GPHN: variants seen among roughly 807,000 people sequenced by gnomAD.
GPHN encodes the protein gephyrin.
GPHN carries 17 observed loss-of-function variants against 95.5 expected under a neutral mutation model. The ratio of observed to expected loss-of-function variants is 0.18; its 90% CI spans 0.12 to 0.27. GPHN has a LOEUF of 0.27. Ranked by LOEUF, GPHN falls within the 10% of genes least tolerant of loss-of-function variation. The pLI, the probability that GPHN is intolerant of heterozygous loss-of-function variation, is 1.00. For synonymous variants in GPHN, 320 were observed against 322.5 expected (o/e 0.99, Z 0.08); for missense variants, 660 against 978.1 (o/e 0.67, Z 4.34).
intron 1 of GPHN, among the ~76,000 whole-genome samples, chr14:66,677,357 A>C (rs1242084349): frequency 6.6e-6 from 1 of 151,930 alleles, no homozygotes; most frequent in Non-Finnish European, 1.5e-5. Context: ...TGTCAGATTG[A>C]TTAAGTGAAA....
chr14:66,564,444 A>G (rs1450854646), intron 1 of GPHN, among the ~76,000 whole-genome samples: 3 of 152,198 alleles, frequency 2.0e-5, no homozygotes, highest in Non-Finnish European at 2.9e-5. Flanking sequence ...ATGTTTACTT[A>G]GAATGACTAA....
At chr14:67,365,149 A>G in the GPHN span, 1 of 908,368 alleles carries the variant, frequency 1.1e-6, no homozygotes, top group Non-Finnish European at 1.6e-6. Context: ...AAGTTGTTAG[A>G]AAAGGATGCC....
At chr14:66,533,344 C>T (rs1290129017) in intron 1 of GPHN, among the ~76,000 whole-genome samples, 3 of 152,202 alleles carry the variant, frequency 2.0e-5, no homozygotes, top group Non-Finnish European at 4.4e-5. Flanking sequence ...GATGATCTTA[C>T]TCTGTTGCCA....
At chr14:67,557,188 G>A in the GPHN span, 100 of 1,171,218 alleles carry the variant, frequency 8.5e-5, no homozygotes, top group Middle Eastern at 2.0e-4. Context: ...GGCATCAGAC[G>A]GTGTCCCATC....
chr14:66,905,988 G>A (rs368468561), intron 5 of GPHN, among the ~76,000 whole-genome samples: 11 of 145,612 alleles, frequency 7.6e-5, no homozygotes, highest in Non-Finnish European at 1.4e-4. Flanking sequence ...TATTTGATTC[G>A]AGGCTTTTTT....
chr14:66,707,324 G>A (rs1327132790), intron 2 of GPHN, among the ~76,000 whole-genome samples: 5 of 152,116 alleles, frequency 3.3e-5, no homozygotes, highest in Non-Finnish European at 7.4e-5. Context: ...TATATACCCA[G>A]AGGAATATAA....
At chr14:66,692,564 G>C (rs2067851417) in intron 2 of GPHN, among the ~76,000 whole-genome samples, 1 of 152,124 alleles carries the variant, frequency 6.6e-6, no homozygotes, top group African/African-American at 2.4e-5. Context: ...CCAGGAGAGA[G>C]AACACAGAAA....
chr14:67,314,486 T>A, the GPHN span, among the ~76,000 whole-genome samples: 7 of 152,338 alleles, frequency 4.6e-5, no homozygotes, highest in South Asian at 1.4e-3. Context: ...ACTTCTTACA[T>A]TTATTTTAGA....
intron 1 of GPHN, chr14:66,509,175 C>G (rs994657422): frequency 6.4e-6 from 1 of 155,354 alleles, no homozygotes; most frequent in African/African-American, 2.4e-5. Context: ...CCCTTCGCCT[C>G]CCTCGGGGGA....
intron 9 of GPHN, among the ~76,000 whole-genome samples, chr14:66,992,039 A>G (rs1040641868): frequency 1.3e-5 from 2 of 152,074 alleles, no homozygotes; most frequent in African/African-American, 4.8e-5. Context: ...AAAAAAGTAG[A>G]TAAATGTTCA....
intron 8 of GPHN, among the ~76,000 whole-genome samples, chr14:66,940,971 C>T (rs1312026396): frequency 6.6e-6 from 1 of 152,158 alleles, no homozygotes; most frequent in Admixed American, 6.5e-5. Flanking sequence ...CTTTGGTTAG[C>T]TCCCTTGGTC....
At chr14:67,186,456 A>G (rs1273320495), downstream of GPHN, among the ~76,000 whole-genome samples, 5 of 152,166 alleles carry the variant, frequency 3.3e-5, no homozygotes, top group Non-Finnish European at 7.4e-5. Flanking sequence ...GAAAAAAAGC[A>G]CAGAGGAAAC....
the GPHN span, chr14:67,729,405 TCCA>T: frequency 4.4e-6 from 7 of 1,593,660 alleles, no homozygotes; most frequent in East Asian, 1.3e-4. Flanking sequence ...TGCGGTTCTC[TCCA>T]CCACCTGTGT....
chr14:67,287,483 T>TA, the GPHN span, among the ~76,000 whole-genome samples: 1 of 152,062 alleles, frequency 6.6e-6, no homozygotes, highest in African/African-American at 2.4e-5. Flanking sequence ...AAAGAAGAAA[T>TA]TCAAATGGCT....
At chr14:67,571,666 C>A in the GPHN span, 1 of 1,405,194 alleles carries the variant, frequency 7.1e-7, no homozygotes, top group Non-Finnish European at 1.0e-6. Flanking sequence ...ACACCATGGG[C>A]ACTTGGACCA....
At chr14:67,692,289 G>T in the GPHN span, 1 of 745,978 alleles carries the variant, frequency 1.3e-6, no homozygotes. Flanking sequence ...GACATAAATT[G>T]TGTCCCAGTG....
the GPHN span, among the ~76,000 whole-genome samples, chr14:67,529,890 C>A: frequency 6.6e-6 from 1 of 152,208 alleles, no homozygotes; most frequent in African/African-American, 2.4e-5. Flanking sequence ...TCTCCCCTCT[C>A]TTCCCCTTCC....
chr14:67,301,880 A>G, the GPHN span: 1 of 1,319,368 alleles, frequency 7.6e-7, no homozygotes, highest in East Asian at 2.5e-5. Flanking sequence ...TTAAAGATTT[A>G]ATGGTCAGAA....
chr14:66,832,072 A>G (rs2061601858), intron 4 of GPHN, among the ~76,000 whole-genome samples: 1 of 152,176 alleles, frequency 6.6e-6, no homozygotes, highest in African/African-American at 2.4e-5. Flanking sequence ...ACTTGAACCC[A>G]GGAGGCGGAA....
Sources: gnomAD v4.1 joint callset for allele counts (sites outside exome capture counted in the v4.1 genomes callset) on GRCh38, gnomAD v4.1.1 for gene constraint, MANE v1.5 for transcripts, NCBI Gene and HGNC (gene_info 2026-07-23, HGNC 2026-07-21) for gene names.